The following MRGPRX1 variants were observed in gnomAD, a reference collection of about 807,000 sequenced individuals.
MRGPRX1 encodes the protein MAS related GPR family member X1.
For missense variants in MRGPRX1, 411 were observed against 393.8 expected, an observed-to-expected ratio of 1.04 and a Z score of -0.37; for synonymous variants, 208 against 170.4, an observed-to-expected ratio of 1.22 and a Z score of -1.72.
At position 18,934,518 on chromosome 11, in the gene MRGPRX1, A is replaced by C. The variant is rs748474220; in HGVS notation, c.267T>G (p.Ser89Arg). The change falls in exon 2 of 2, where the codon AGT becomes AGG. Residue 89 changes from serine (S) to arginine (R), a missense_variant. Ser to Arg is a moderately radical substitution (Grantham distance 110). Transcript: ENST00000526914. Reference protein sequence around the residue: ...RLIYSLLSFISIPHTISKILY... With the variant: ...RLIYSLLSFIRIPHTISKILY... Reference sequence around the variant, plus strand: ...GGATTTTAGAGATGGTATGGGGGATACTGATGAAGCTTAACAGGGAATATA... The same window carrying C: ...GGATTTTAGAGATGGTATGGGGGATCCTGATGAAGCTTAACAGGGAATATA... The C allele has an allele frequency of 1.2e-6, 2 of 1,610,574 alleles. No individual in the cohort carries two copies. Among genetic ancestry groups the C allele is most frequent in the Non-Finnish European group, 1.7e-6 (2 of 1,178,054 alleles).
intron 1 of MRGPRX1, among the ~76,000 whole-genome samples, chr11:18,935,687 G>A (rs905885401): frequency 3.2e-4 from 48 of 151,514 alleles, no homozygotes; most frequent in African/African-American, 1.1e-3. Context: ...GTGTGGGTCT[G>A]AGCTGAATTG....
At chr11:18,936,628 G>C (rs7126195) in intron 1 of MRGPRX1, among the ~76,000 whole-genome samples, 48,150 of 148,738 alleles carry the variant, frequency 0.32, 7,444 homozygotes, top group South Asian at 0.41. Context: ...GTTATCCACA[G>C]GCAGGGCACT....
Position 18,934,736 on chromosome 11 carries a change from C to T in MRGPRX1, c.49G>A (p.Gly17Arg), listed in dbSNP as rs1590005053. 1.2e-6 allele frequency: 2 copies of T among 1,603,422 alleles called. No homozygotes were observed. Among genetic ancestry groups the T allele is most frequent in the African/African-American group, 1.3e-5 (1 of 74,500 alleles). The change falls in exon 2 of 2, where the codon GGA becomes AGA. Residue 17 changes from glycine to arginine, a missense_variant. By Grantham distance (125) the Gly-to-Arg change is moderately radical. Coordinates refer to ENST00000526914, the MANE Select transcript of MRGPRX1 (RefSeq NM_001393578.1). ...TTGTAGCAAAGAGTCTCCTCAGTTC[C>T]GTTGATTGGTGTCAGTTCTGTGTCC... ...TLDTELTPIN[G>R]TEETLCYKQT...
intron 1 of MRGPRX1, among the ~76,000 whole-genome samples, chr11:18,938,120 C>T (rs190480522): frequency 0.014 from 2,163 of 151,588 alleles, 92 homozygotes; most frequent in Middle Eastern, 0.021. Context: ...GGAATTGAGA[C>T]ACTGGGAGAC....
chr11:18,937,011 C>T (rs1469133617), intron 1 of MRGPRX1, among the ~76,000 whole-genome samples: 4 of 151,262 alleles, frequency 2.6e-5, no homozygotes, highest in African/African-American at 9.7e-5. Flanking sequence ...GCTAGGTTGC[C>T]CCAGTGTTCA....
intron 1 of MRGPRX1, among the ~76,000 whole-genome samples, chr11:18,937,734 T>C (rs1848852124): frequency 6.6e-6 from 1 of 151,534 alleles, no homozygotes; most frequent in Admixed American, 6.6e-5. Context: ...TACTTTCTTA[T>C]TTAAGATATT....
At chr11:18,937,061 A>G (rs1312019060) in intron 1 of MRGPRX1, among the ~76,000 whole-genome samples, 1 of 151,534 alleles carries the variant, frequency 6.6e-6, no homozygotes, top group Non-Finnish European at 1.5e-5. Flanking sequence ...AGAGTTTAAA[A>G]GCGGCACAAG....
Position 18,934,581 on chromosome 11 carries a change from C to T in MRGPRX1, c.204G>A (p.Leu68=), listed in dbSNP as rs745904135. The T allele has an allele frequency of 6.2e-7, 1 of 1,609,662 alleles. No homozygotes were observed. The highest frequency in any genetic ancestry group is 1.3e-5 in the African/African-American group (1 of 74,824). The part of the protein sequence containing the change: ...RNAFSIYILN[L]AAADFLFLSG... ...TGAGGAAGAGGAAGTCTGCTGCGGC[C>T]AAGTTGAGGATGTAGATGGAGAAGG... The change falls in exon 2 of 2, where the codon TTG becomes TTA. Residue 68 remains leucine (L), a synonymous_variant. Coordinates refer to ENST00000526914, the MANE Select transcript of MRGPRX1 (RefSeq NM_001393578.1).
Position 18,933,802 on chromosome 11 carries a change from G to A in MRGPRX1, c.*14C>T, listed in dbSNP as rs1320550162. The stretch of plus-strand genomic sequence containing the variant: ...TGCTCTCAAAGTCCTGTCTGACAGG[G>A]CAGAGGCTCTTCCTCACTGCTCCAA... On this transcript the variant is annotated 3_prime_UTR_variant, in exon 2 of 2. Transcript: ENST00000526914. 1.3e-6 allele frequency: 2 copies of A among 1,595,708 alleles called. No homozygotes were observed. Among genetic ancestry groups the A allele is most frequent in the Admixed American group, 1.7e-5 (1 of 57,400 alleles).
chr11:18,937,290 C>A (rs1020323282), intron 1 of MRGPRX1, among the ~76,000 whole-genome samples: 1 of 151,184 alleles, frequency 6.6e-6, no homozygotes, highest in Non-Finnish European at 1.5e-5. Context: ...TCTAGGGACT[C>A]GAGAGTAGCA....
chr11:18,933,985 G>T lies in MRGPRX1; in HGVS notation c.800C>A (p.Ala267Asp). The T allele has an allele frequency of 6.2e-7, 1 of 1,610,984 alleles. No individual in the cohort carries two copies. The highest frequency in any genetic ancestry group is 1.1e-5 in the South Asian group (1 of 90,820). Reference sequence around the variant, plus strand: ...CACGAAGAAGTAAATGATGGGGTTGGCACTGCTGTTAAGAGCGGACAGGAA... The same window carrying T: ...CACGAAGAAGTAAATGATGGGGTTGTCACTGCTGTTAAGAGCGGACAGGAA... ...SIFLSALNSS[A>D]NPIIYFFVGS... is the part of the protein sequence containing the mutation. Residue 267 changes from alanine (A) to aspartate (D), a missense_variant, in exon 2 of 2, where the codon GCC (alanine) becomes GAC (aspartate). By Grantham distance (126) the Ala-to-Asp change is moderately radical (BLOSUM62 -2). Transcript: ENST00000526914.
intron 1 of MRGPRX1, among the ~76,000 whole-genome samples, chr11:18,936,990 C>T (rs1368548973): frequency 6.6e-6 from 1 of 151,348 alleles, no homozygotes; most frequent in Non-Finnish European, 1.5e-5. Context: ...GAGACAGAGG[C>T]AGAAGAGACT....
In MRGPRX1 at chr11:18,936,468, A is replaced by G. The variant is rs186779928; in HGVS notation, c.-25-1659T>C. On this transcript the variant is annotated intron_variant, in intron 1 of 1. Transcript: ENST00000526914. ...AATCCCGAGAATGCACAGGGACAGG[A>G]GGCCTCCAGGTGGAAAGAAGACTCA... Among the ~76,000 whole-genome samples, 213 of 151,314 alleles carry G rather than the reference A, an allele frequency of 1.4e-3. 2 individuals are homozygous for G. Among genetic ancestry groups the G allele is most frequent in the African/African-American group, 5.0e-3 (206 of 41,306 alleles).
Position 18,934,742 on chromosome 11 carries a change from T to C in MRGPRX1, c.43A>G (p.Ile15Val), listed in dbSNP as rs774944900. ...ISTLDTELTP[I>V]NGTEETLCYK... The stretch of plus-strand genomic sequence containing the variant: ...CAAAGAGTCTCCTCAGTTCCGTTGA[T>C]TGGTGTCAGTTCTGTGTCCAAGGTT... Residue 15 changes from isoleucine (I) to valine (V), a missense_variant, in exon 2 of 2, where the codon ATC (isoleucine) becomes GTC (valine). By Grantham distance (29) the Ile-to-Val change is conservative. Transcript: ENST00000526914. 7 of 1,601,664 alleles carry C rather than the reference T, an allele frequency of 4.4e-6. No individual in the cohort carries two copies. Among genetic ancestry groups the C allele is most frequent in the South Asian group, 1.1e-5 (1 of 89,108 alleles).
At chr11:18,936,850 A>G (rs1590006130) in intron 1 of MRGPRX1, among the ~76,000 whole-genome samples, 1 of 151,500 alleles carries the variant, frequency 6.6e-6, no homozygotes, top group East Asian at 1.9e-4. Context: ...TGAGTTCACA[A>G]CACGAAGAGC....
rs770420549 is a variant in MRGPRX1 at position 18,933,867 on chromosome 11, C to T, written c.918G>A (p.Gly306=). The T allele has an allele frequency of 1.2e-6, 2 of 1,610,358 alleles. No homozygotes were observed. The highest frequency in any genetic ancestry group is 1.7e-6 in the Non-Finnish European group (2 of 1,178,048). The part of the protein sequence containing the change: ...QDASEVDEGG[G]QLPEEILELS... ...GCTCCAGGATTTCCTCAGGAAGCTG[C>T]CCTCCACCTTCATCCACCTCAGACG... The change falls in exon 2 of 2, where the codon GGG becomes GGA. Residue 306 remains glycine (G), a synonymous_variant. Coordinates refer to ENST00000526914, the MANE Select transcript of MRGPRX1 (RefSeq NM_001393578.1).
At chr11:18,939,071 T>C (rs1848862232) in intron 1 of MRGPRX1, among the ~76,000 whole-genome samples, 1 of 151,436 alleles carries the variant, frequency 6.6e-6, no homozygotes, top group Non-Finnish European at 1.5e-5. Context: ...GGAGGTGATA[T>C]GGACAGATAA....
chr11:18,938,362 G>C (rs540672068), intron 1 of MRGPRX1, among the ~76,000 whole-genome samples: 13 of 151,552 alleles, frequency 8.6e-5, no homozygotes, highest in African/African-American at 3.1e-4. Flanking sequence ...GAAAGGCAAA[G>C]GGGGAGCAAG....
rs200061528 is a variant in MRGPRX1, at chr11:18,934,187, T to C, written c.598A>G (p.Ile200Val). Residue 200 changes from isoleucine (I) to valine (V), a missense_variant, in exon 2 of 2, where the codon ATC (isoleucine) becomes GTC (valine). Coordinates refer to ENST00000526914, the MANE Select transcript of MRGPRX1 (RefSeq NM_001393578.1). ...TTCCGGGATCCACAGAGAATCCTGA[T>C]CAGCAGGACCAGGCTGGACCCACAG... ...VLCGSSLVLLIRILCGSRKIP... is the reference protein window; with the variant it reads ...VLCGSSLVLLVRILCGSRKIP... 1.8e-3 allele frequency: 2,853 copies of C among 1,607,696 alleles called. 128 individuals carry two copies. The highest frequency in any genetic ancestry group is 4.0e-3 in the Admixed American group (240 of 59,298).
Sources: gnomAD v4.1 joint callset for allele counts (sites outside exome capture counted in the v4.1 genomes callset) on GRCh38, gnomAD v4.1.1 for gene constraint, MANE v1.5 for transcripts, NCBI Gene and HGNC (gene_info 2026-07-23, HGNC 2026-07-21) for gene names.